Variants in PCDH15 observed in about 807,000 individuals in gnomAD.
PCDH15 encodes protocadherin-15.
Under a neutral mutation model 178.5 loss-of-function variants are expected in PCDH15, and 129 were observed. The ratio of observed to expected loss-of-function variants is 0.72; its 90% CI spans 0.63 to 0.84. PCDH15 has a LOEUF of 0.84. PCDH15 is among the 40% of genes least tolerant of loss of function. The probability of loss-of-function intolerance (pLI) is 0.00; values close to 1 mark genes in which losing one functional copy is unlikely to be tolerated. For missense variants in PCDH15, 2,230 were observed against 2,099.9 expected, an observed-to-expected ratio of 1.06 and a Z score of -1.21; for synonymous variants, 800 against 732.0, an observed-to-expected ratio of 1.09 and a Z score of -1.50.
At chr10:55,483,149 A>G (rs942985730) in intron 2 of PCDH15, among the ~76,000 whole-genome samples, 1 of 152,000 alleles carries the variant, frequency 6.6e-6, no homozygotes, top group Admixed American at 6.6e-5. Flanking sequence ...TATCTAATTA[A>G]AGAGTTTCTG....
At chr10:55,174,002 AT>A (rs1485750761) in intron 1 of PCDH15, among the ~76,000 whole-genome samples, 1 of 152,300 alleles carries the variant, frequency 6.6e-6, no homozygotes, top group Non-Finnish European at 1.5e-5. Flanking sequence ...TTGCTGATCC[AT>A]CATGGAAACA....
chr10:54,754,928 TAG>T (rs1422906180), intron 1 of PCDH15, among the ~76,000 whole-genome samples: 1 of 143,152 alleles, frequency 7.0e-6, no homozygotes, highest in African/African-American at 2.6e-5. Context: ...TTTTCACACT[TAG>T]AGTTTTTCTT....
chr10:55,509,679 T>A (rs937378777), intron 2 of PCDH15, among the ~76,000 whole-genome samples: 1 of 151,914 alleles, frequency 6.6e-6, no homozygotes, highest in African/African-American at 2.4e-5. Context: ...ACCTTTTGTT[T>A]TTCCCTACAT....
intron 2 of PCDH15, among the ~76,000 whole-genome samples, chr10:54,946,086 T>C (rs1347138353): frequency 6.6e-6 from 1 of 151,818 alleles, no homozygotes; most frequent in Non-Finnish European, 1.5e-5. Flanking sequence ...AATGTCATAA[T>C]TGGGACTATT....
chr10:54,857,908 T>C (rs887320865), intron 3 of PCDH15, among the ~76,000 whole-genome samples: 17 of 152,320 alleles, frequency 1.1e-4, no homozygotes, highest in African/African-American at 3.4e-4. Context: ...CACTGTGGAA[T>C]GATTACATAA....
chr10:55,277,487 C>G (rs775599898), intron 1 of PCDH15, among the ~76,000 whole-genome samples: 16 of 151,938 alleles, frequency 1.1e-4, no homozygotes, highest in Admixed American at 2.6e-4. Flanking sequence ...TTTTTTCTTC[C>G]TGGATTCATT....
intron 2 of PCDH15, among the ~76,000 whole-genome samples, chr10:55,052,158 GC>G (rs946746562): frequency 2.3e-4 from 35 of 150,188 alleles, no homozygotes; most frequent in African/African-American, 8.6e-4. Flanking sequence ...TTGGATCTCC[GC>G]TCACTGCAAG....
chr10:54,495,054 G>T (rs1418880208), intron 3 of PCDH15, among the ~76,000 whole-genome samples: 2 of 152,038 alleles, frequency 1.3e-5, no homozygotes, highest in Admixed American at 1.3e-4. Context: ...GTATTTGAGG[G>T]TCTGAAACTT....
At chr10:54,757,142 A>G (rs1043086915) in intron 1 of PCDH15, among the ~76,000 whole-genome samples, 23 of 152,218 alleles carry the variant, frequency 1.5e-4, no homozygotes, top group African/African-American at 5.3e-4. Flanking sequence ...AGTTGTAGTT[A>G]AGATAGTTGT....
At chr10:54,873,247 C>G (rs184454506) in intron 3 of PCDH15, among the ~76,000 whole-genome samples, 1 of 151,818 alleles carries the variant, frequency 6.6e-6, no homozygotes, top group Admixed American at 6.6e-5. Context: ...GGTATATTAT[C>G]CCTAACAAGG....
intron 3 of PCDH15, among the ~76,000 whole-genome samples, chr10:54,395,870 A>C (rs1430164761): frequency 6.6e-6 from 1 of 152,176 alleles, no homozygotes; most frequent in African/African-American, 2.4e-5. Context: ...GTATTATTGT[A>C]GATATAATAT....
intron 2 of PCDH15, among the ~76,000 whole-genome samples, chr10:55,440,172 T>C (rs761947927): frequency 1.3e-5 from 2 of 152,130 alleles, no homozygotes; most frequent in African/African-American, 2.4e-5. Flanking sequence ...AGGGTGGTGA[T>C]AGGGATATCT....
At chr10:55,601,971 G>A (rs1008874623) in intron 2 of PCDH15, among the ~76,000 whole-genome samples, 2 of 152,108 alleles carry the variant, frequency 1.3e-5, no homozygotes, top group South Asian at 4.1e-4. Context: ...ATTTCCATCT[G>A]AGGTACCAGG....
chr10:54,114,458 T>C (rs1373551043), intron 15 of PCDH15, among the ~76,000 whole-genome samples: 1 of 152,108 alleles, frequency 6.6e-6, no homozygotes, highest in African/African-American at 2.4e-5. Context: ...CACATGATAG[T>C]CAACAATTTT....
At chr10:55,091,844 AAAAC>A (rs532956141) in intron 2 of PCDH15, among the ~76,000 whole-genome samples, 8 of 151,950 alleles carry the variant, frequency 5.3e-5, no homozygotes, top group East Asian at 1.9e-4. Context: ...TCCTTACCAA[AAAAC>A]AAACAAACAA....
At chr10:54,007,499 T>C (rs941034424) in intron 20 of PCDH15, among the ~76,000 whole-genome samples, 10 of 152,154 alleles carry the variant, frequency 6.6e-5, no homozygotes, top group Admixed American at 1.3e-4. Flanking sequence ...ATCTTGTATA[T>C]ACAAGGAAAA....
At chr10:55,303,747 T>C (rs537050903) in intron 1 of PCDH15, among the ~76,000 whole-genome samples, 6 of 152,264 alleles carry the variant, frequency 3.9e-5, no homozygotes, top group East Asian at 3.9e-4. Context: ...ATAGAGTCTT[T>C]AGTGATATTC....
chr10:54,329,522 T>C, intron 7 of PCDH15, 74 bp downstream of exon 7: 2 of 1,081,586 alleles, frequency 1.8e-6, no homozygotes, highest in African/African-American at 1.6e-5. Flanking sequence ...TCTCCAAGAG[T>C]ATCTGATACA....
chr10:55,361,472 T>A (rs1845228674), intron 2 of PCDH15, among the ~76,000 whole-genome samples: 1 of 152,042 alleles, frequency 6.6e-6, no homozygotes, highest in Non-Finnish European at 1.5e-5. Context: ...AGAAATTTGA[T>A]AAGCTTTTTC....
Sources: allele counts gnomAD v4.1 joint callset (sites outside exome capture counted in the v4.1 genomes callset), GRCh38; gene constraint gnomAD v4.1.1; transcripts MANE v1.5; gene names NCBI Gene and HGNC (gene_info 2026-07-23, HGNC 2026-07-21).